Variants in PERM1 observed in about 807,000 individuals in gnomAD.
PERM1 encodes PPARGC1 and ESRR induced regulator, muscle 1.
A neutral mutation model predicts 44.1 loss-of-function variants in PERM1; 45 were observed. The observed-to-expected ratio is 1.02, with a 90% CI of 0.80 to 1.31. The LOEUF is 1.31. Ranked by LOEUF, PERM1 falls within the 50% of genes most tolerant of loss-of-function variation. PERM1 has a pLI of 0.00. For synonymous variants in PERM1, 565 were observed against 477.1 expected (o/e 1.18, Z -2.40); for missense variants, 1,189 against 1,106.9 (o/e 1.07, Z -1.05).
rs932496549 is a variant in PERM1 at position 976,281 on chromosome 1, G to C, written c.2276-12C>G. ...GTTGGCCAGCAAGGCTGCAAGAGAA[G>C]CACAGGCTCTTCTGAGGGCCAGCCT... is the stretch of plus-strand genomic sequence containing the variant. On this transcript the variant is annotated splice_polypyrimidine_tract_variant and intron_variant, in intron 2 of 2. Transcript: ENST00000433179. 3 of 1,499,964 alleles carry C rather than the reference G, an allele frequency of 2.0e-6. No homozygotes were observed. In the African/African-American group the frequency reaches 4.2e-5, roughly 21 times the overall value. 92.9% of individuals were successfully genotyped at this position (1,499,964 alleles called of 1,614,324 possible).
chr1:980,554 G>T, exon 1 of PERM1: 1 of 1,460,274 alleles, frequency 6.8e-7, no homozygotes, highest in Non-Finnish European at 9.0e-7. Context: ...GTGGCCAGGG[G>T]ACTTGGGACT....
At chr1:980,511 A>C in exon 1 of PERM1, 2 of 1,485,488 alleles carry the variant, frequency 1.3e-6, no homozygotes, top group East Asian at 4.9e-5. Flanking sequence ...GTGGGGCTCC[A>C]GGGCTATCGG....
chr1:978,624 G>A (rs529965995), intron 1 of PERM1, among the ~76,000 whole-genome samples: 1 of 152,218 alleles, frequency 6.6e-6, no homozygotes, highest in Admixed American at 6.5e-5. Context: ...GGCTGGGGGA[G>A]GGACGCCGCC....
chr1:979,198 T>C (rs1421628051), exon 1 of PERM1: 22 of 1,549,958 alleles, frequency 1.4e-5, no homozygotes, highest in Non-Finnish European at 1.8e-5. Flanking sequence ...GTCCGGCCAC[T>C]GGACGCCTGC....
chr1:978,948 C>G, exon 1 of PERM1: 1 of 1,507,890 alleles, frequency 6.6e-7, no homozygotes, highest in Non-Finnish European at 8.9e-7. Context: ...CAGGCCCCGC[C>G]CCCTCGGAGG....
exon 3 of PERM1, chr1:976,178 G>A (rs1214012258): frequency 1.3e-6 from 2 of 1,545,272 alleles, no homozygotes; most frequent in East Asian, 2.4e-5. Context: ...GCTCCTAGGA[G>A]CTGGGGCTGG....
In PERM1 at chr1:976,297, G is replaced by T. The variant is rs1050065775; in HGVS notation, c.2276-28C>A. On this transcript the variant is annotated intron_variant, in intron 2 of 2. Transcript: ENST00000433179. ...GCAAGAGAAGCACAGGCTCTTCTGA[G>T]GGCCAGCCTGGCTGTCGGCACCGTC... 36 of 1,475,452 alleles carry T rather than the reference G, an allele frequency of 2.4e-5. No individual in the cohort carries two copies. In the African/African-American group the frequency reaches 4.8e-4, roughly 20 times the overall value. The allele number at this position is 1,475,452 out of a possible 1,614,324, so 91.4% of individuals were successfully genotyped here.
At chr1:975,844 T>C (rs1643581023) in exon 3 of PERM1, 1 of 303,594 alleles carries the variant, frequency 3.3e-6, no homozygotes, top group Non-Finnish European at 6.2e-6. Context: ...AACAACTTCT[T>C]AGTAAAATGA....
exon 1 of PERM1, chr1:979,449 G>A (rs777806900): frequency 1.0e-5 from 16 of 1,545,024 alleles, no homozygotes; most frequent in African/African-American, 9.6e-5. Flanking sequence ...CTGTCTGGGG[G>A]GCTGAGGGCC....
Position 980,125 on chromosome 1 carries a change from G to A in PERM1, c.905C>T (p.Thr302Ile), listed in dbSNP as rs752289239. 5 of 1,550,290 alleles carry A rather than the reference G, an allele frequency of 3.2e-6. No homozygotes were observed. In the South Asian group the frequency reaches 3.6e-5, roughly 11 times the overall value. ...GTCAGGTTGCGGCTCGGAGGCAGGT[G>A]TAGACACAGCCATGTCTGACTTAGC... Residue 302 changes from threonine to isoleucine, a missense_variant, in exon 1 of 3, where the codon ACA (threonine) becomes ATA (isoleucine). By Grantham distance (89) the Thr-to-Ile change is moderately conservative. Coordinates refer to ENST00000433179, the Ensembl canonical transcript of PERM1.
exon 1 of PERM1, chr1:980,940 G>C (rs935345350): frequency 2.8e-6 from 4 of 1,434,808 alleles, no homozygotes; most frequent in Non-Finnish European, 3.6e-6. Context: ...AGGCCAGGCC[G>C]GCCTGCAGGA....
exon 2 of PERM1, chr1:976,504 T>G: frequency 6.5e-7 from 1 of 1,549,488 alleles, no homozygotes; most frequent in African/African-American, 1.4e-5. Context: ...CAAACCTGTT[T>G]TCCAGGCGTC....
exon 1 of PERM1, chr1:979,681 G>C: frequency 3.9e-6 from 6 of 1,550,282 alleles, no homozygotes; most frequent in Non-Finnish European, 5.2e-6. Context: ...GTCGGCTCTG[G>C]GAACAGGTGT....
At chr1:978,583 G>T (rs571395384) in intron 1 of PERM1, among the ~76,000 whole-genome samples, 16 of 152,350 alleles carry the variant, frequency 1.1e-4, no homozygotes, top group African/African-American at 3.4e-4. Context: ...GACCCTGAAG[G>T]TAGCCAGGCC....
chr1:980,070 G>A (rs1442783641), exon 1 of PERM1: 97 of 1,547,390 alleles, frequency 6.3e-5, no homozygotes, highest in Non-Finnish European at 7.8e-5. Context: ...ATTGCGGCTC[G>A]GAGGCAGGTG....
At chr1:976,468 C>A (rs1312529549) in intron 2 of PERM1, 31 bp downstream of exon 3, 8 of 1,549,234 alleles carry the variant, frequency 5.2e-6, no homozygotes, top group Admixed American at 3.9e-5. Context: ...GGCTTCTAGG[C>A]GCAGCTCCCT....
exon 1 of PERM1, chr1:980,424 G>C: frequency 6.5e-7 from 1 of 1,548,564 alleles, no homozygotes; most frequent in Non-Finnish European, 8.7e-7. Flanking sequence ...AGCCCGTCTG[G>C]GCAGAAGCAG....
chr1:980,129 A>T (rs1442322774), exon 1 of PERM1: 1 of 1,550,246 alleles, frequency 6.5e-7, no homozygotes, highest in Non-Finnish European at 8.7e-7. Flanking sequence ...GCAGGTGTAG[A>T]CACAGCCATG....
At chr1:980,796 G>GTCC (rs565395227) in exon 1 of PERM1, 76 of 1,399,574 alleles carry the variant, frequency 5.4e-5, no homozygotes, top group Middle Eastern at 2.6e-4. Context: ...GTGTGGCCAC[G>GTCC]TCCTCCTCCT....
Sources: allele counts gnomAD v4.1 joint callset (sites outside exome capture counted in the v4.1 genomes callset), GRCh38; gene constraint gnomAD v4.1.1; transcripts MANE v1.5; gene names NCBI Gene and HGNC (gene_info 2026-07-23, HGNC 2026-07-21).